HAVCR1: variants seen among roughly 807,000 people sequenced by gnomAD.
HAVCR1 encodes the protein T cell immunoglobin domain and mucin domain protein 1.
A neutral mutation model predicts 32.0 loss-of-function variants in HAVCR1; 34 were observed. The observed-to-expected ratio is 1.06, with a 90% CI of 0.81 to 1.42. The LOEUF (loss-of-function observed/expected upper bound fraction) is 1.42. HAVCR1 is among the 40% of genes most tolerant of loss of function. HAVCR1 has a pLI of 0.00. For missense variants in HAVCR1, 420 were observed against 442.3 expected (o/e 0.95, Z 0.45); for synonymous variants, 178 against 170.3 (o/e 1.05, Z -0.35).
At chr5:157,046,169 A>G (rs1755385104) in intron 5 of HAVCR1, among the ~76,000 whole-genome samples, 1 of 152,180 alleles carries the variant, frequency 6.6e-6, no homozygotes, top group African/African-American at 2.4e-5. Context: ...ATGATTGGCA[A>G]AAAAAGTAGG....
At chr5:157,057,448 A>AAAGG (rs1391606755) in intron 2 of HAVCR1, among the ~76,000 whole-genome samples, 3 of 138,798 alleles carry the variant, frequency 2.2e-5, no homozygotes, top group Admixed American at 2.2e-4. Flanking sequence ...AGAAAGAAAG[A>AAAGG]AAGAAAGAAA....
chr5:157,066,055 T>TAAAAAAAAAAAAAAAAAAAAAAAAAAA, the HAVCR1 span, among the ~76,000 whole-genome samples: 8 of 66,908 alleles, frequency 1.2e-4, 1 homozygote, highest in African/African-American at 2.6e-4. Context: ...GACTCCGTCT[T>TAAAAAAAAAAAAAAAAAAAAAAAAAAA]AAAAAAAAAA....
chr5:157,042,099 C>A (rs755808647), intron 6 of HAVCR1, among the ~76,000 whole-genome samples: 3 of 151,882 alleles, frequency 2.0e-5, no homozygotes, highest in Non-Finnish European at 2.9e-5. Flanking sequence ...TTTCTCCCAA[C>A]AGAAAGTCTG....
intron 6 of HAVCR1, among the ~76,000 whole-genome samples, chr5:157,041,823 C>T (rs1289004294): frequency 2.6e-5 from 4 of 152,128 alleles, no homozygotes; most frequent in Non-Finnish European, 5.9e-5. Context: ...CTTTGGGAGG[C>T]CGAGGCGGGT....
At chr5:157,030,630 G>C (rs1367745479) in intron 8 of HAVCR1, among the ~76,000 whole-genome samples, 1 of 152,192 alleles carries the variant, frequency 6.6e-6, no homozygotes, top group Non-Finnish European at 1.5e-5. Context: ...TCCAGCCTGG[G>C]CTGGAGACTC....
intron 8 of HAVCR1, among the ~76,000 whole-genome samples, chr5:157,030,629 G>A (rs1439347393): frequency 6.6e-6 from 1 of 152,146 alleles, no homozygotes; most frequent in Non-Finnish European, 1.5e-5. Context: ...CTCCAGCCTG[G>A]GCTGGAGACT....
chr5:157,036,303 C>T (rs1288661934), intron 7 of HAVCR1, among the ~76,000 whole-genome samples: 5 of 152,126 alleles, frequency 3.3e-5, no homozygotes, highest in Non-Finnish European at 7.4e-5. Context: ...ACGGTGAAAC[C>T]CCATCTCTAC....
chr5:157,047,466 G>A (rs907290795), intron 5 of HAVCR1, among the ~76,000 whole-genome samples: 4 of 151,934 alleles, frequency 2.6e-5, no homozygotes, highest in Non-Finnish European at 5.9e-5. Flanking sequence ...CAGGAGAATT[G>A]CTTGAACTTG....
chr5:157,049,146 C>T lies in HAVCR1; in HGVS notation c.674-1G>A. On this transcript the variant is annotated splice_acceptor_variant, in intron 4 of 8. Coordinates refer to ENST00000523175, the MANE Select transcript of HAVCR1 (RefSeq NM_001173393.3). LOFTEE classifies it high-confidence loss of function. Reference sequence around the variant, plus strand: ...TGAGGTGAAGATGGTGAAGTGGCTACTGGAATGAAAAGAATGGAAGAATTG... The same window carrying T: ...TGAGGTGAAGATGGTGAAGTGGCTATTGGAATGAAAAGAATGGAAGAATTG... 1 of 1,576,854 alleles carries T rather than the reference C, an allele frequency of 6.3e-7. No homozygotes were observed. The highest frequency in any genetic ancestry group is 1.1e-5 in the South Asian group (1 of 90,354).
the HAVCR1 span, among the ~76,000 whole-genome samples, chr5:157,064,844 G>A: frequency 6.6e-6 from 1 of 151,958 alleles, no homozygotes; most frequent in Non-Finnish European, 1.5e-5. Context: ...CTCTAGTCTG[G>A]GCAACAGAGC....
rs1756313930 is a variant in HAVCR1 at position 157,057,895 on chromosome 5, T to C, written c.46+3A>G. On this transcript the variant is annotated splice_donor_region_variant and intron_variant, in intron 2 of 8. Transcript: ENST00000523175. ...TTCCCGCCCAGGGCACCTACTCACT[T>C]ACCTGCCAGATGTAGGATGAGGCTT... The C allele has an allele frequency of 5.6e-6, 9 of 1,612,558 alleles. No homozygotes were observed. Among genetic ancestry groups the C allele is most frequent in the Non-Finnish European group, 7.6e-6 (9 of 1,178,684 alleles).
intron 2 of HAVCR1, among the ~76,000 whole-genome samples, chr5:157,057,168 T>C (rs1046305135): frequency 6.6e-6 from 1 of 151,738 alleles, no homozygotes; most frequent in Non-Finnish European, 1.5e-5. Context: ...TACAAAAAAA[T>C]TAGCTGGTAG....
At chr5:157,063,245 G>A (rs2113664538), upstream of HAVCR1, among the ~76,000 whole-genome samples, 1 of 151,018 alleles carries the variant, frequency 6.6e-6, no homozygotes, top group Non-Finnish European at 1.5e-5. Context: ...CATCTGGAAT[G>A]TACCAATGAA....
chr5:157,052,368 A>C lies in HAVCR1; in HGVS notation c.666T>G (p.His222Gln), dbSNP rs1251020693. 1 of 1,613,992 alleles carries C rather than the reference A, an allele frequency of 6.2e-7. No individual in the cohort carries two copies. The highest frequency in any genetic ancestry group is 8.5e-7 in the Non-Finnish European group (1 of 1,179,944). Residue 222 changes from histidine (H) to glutamine (Q), a missense_variant, in exon 4 of 9, where the codon CAT becomes CAG. His to Gln is a conservative substitution (Grantham distance 24). Coordinates refer to ENST00000523175, the MANE Select transcript of HAVCR1 (RefSeq NM_001173393.3). ...VPPMPLPRQN[H>Q]EPVATSPSSP... is the part of the protein sequence containing the mutation. ...CAAACACATCTGTTTTACCTGGTTCATGGTTCTGCCTGGGCAAAGGCATTG... is the reference window on the plus strand; with the variant it reads ...CAAACACATCTGTTTTACCTGGTTCCTGGTTCTGCCTGGGCAAAGGCATTG...
intron 4 of HAVCR1, among the ~76,000 whole-genome samples, chr5:157,051,037 A>G (rs1042814734): frequency 2.0e-5 from 3 of 152,152 alleles, no homozygotes; most frequent in African/African-American, 7.2e-5. Flanking sequence ...TCTCCACTAA[A>G]AGTTATCTTT....
At chr5:157,057,384 G>GAGGA (rs1465413464) in intron 2 of HAVCR1, among the ~76,000 whole-genome samples, 53 of 121,546 alleles carry the variant, frequency 4.4e-4, no homozygotes, top group African/African-American at 1.7e-3. Context: ...GAGAGAGAGA[G>GAGGA]AGGAAAGAAA....
At chr5:157,057,457 A>C (rs1013897855) in intron 2 of HAVCR1, among the ~76,000 whole-genome samples, 2 of 115,506 alleles carry the variant, frequency 1.7e-5, no homozygotes, top group African/African-American at 3.2e-5. Flanking sequence ...GAAAGAAAGA[A>C]AGAAAGAGAA....
In HAVCR1 at chr5:157,044,639, A is replaced by AAG. The variant is rs1166630761; in HGVS notation, c.782-1959_782-1958dup. Among the ~76,000 whole-genome samples, 112 of 112,644 alleles carry AAG rather than the reference A, an allele frequency of 9.9e-4. 1 individual carries two copies. Among genetic ancestry groups the AAG allele is most frequent in the Admixed American group, 2.2e-3 (25 of 11,380 alleles). The allele number at this position is 112,644 out of a possible 152,430, so 73.9% of individuals were successfully genotyped here. On this transcript the variant is annotated intron_variant, in intron 5 of 8. Coordinates refer to ENST00000523175, the MANE Select transcript of HAVCR1 (RefSeq NM_001173393.3). Reference sequence around the variant, plus strand: ...AGAGAAAGAAAGAAAGAAAGAAAGAAAGAAAGAAAGAAAGAAAGAAAGAAA... The same window carrying AAG: ...AGAGAAAGAAAGAAAGAAAGAAAGAAAGAGAAAGAAAGAAAGAAAGAAAGAAA...
At chr5:157,052,290 G>C in intron 4 of HAVCR1, 71 bp downstream of exon 4, 1 of 1,357,048 alleles carries the variant, frequency 7.4e-7, no homozygotes, top group Non-Finnish European at 1.0e-6. Context: ...CTTCTACCTT[G>C]ATACAATGCC....
Sources: gnomAD v4.1 joint callset for allele counts (sites outside exome capture counted in the v4.1 genomes callset) on GRCh38, gnomAD v4.1.1 for gene constraint, MANE v1.5 for transcripts, NCBI Gene and HGNC (gene_info 2026-07-23, HGNC 2026-07-21) for gene names.